RHPN2: variants seen among roughly 807,000 people sequenced by gnomAD.
RHPN2 encodes rhophilin-2.
RHPN2 carries 40 observed loss-of-function variants against 79.0 expected under a neutral mutation model. That is an observed-to-expected ratio of 0.51 (90% CI 0.39 to 0.66). RHPN2 has a LOEUF of 0.66. Among genes scored for constraint, RHPN2 ranks in the 30% least tolerant of loss-of-function variants. RHPN2 has a pLI of 0.00. For synonymous variants in RHPN2, 285 were observed against 363.5 expected, an observed-to-expected ratio of 0.78 and a Z score of 2.46; for missense variants, 686 against 883.5, an observed-to-expected ratio of 0.78 and a Z score of 2.83.
At position 32,996,206 on chromosome 19, in the gene RHPN2, G is replaced by A. The variant is rs201089375; in HGVS notation, c.1240C>T (p.Arg414Cys). The change falls in exon 11 of 15, where the codon CGC becomes TGC. Residue 414 changes from arginine to cysteine, a missense_variant. Transcript: ENST00000254260. Reference sequence around the variant, plus strand: ...TCCTCGTGATGAGCCATGGCTCTGCGCAAGTGGGACTTCCCTGCAGACGGA... The same window carrying A: ...TCCTCGTGATGAGCCATGGCTCTGCACAAGTGGGACTTCCCTGCAGACGGA... ...QRRQLGKSHL[R>C]RAMAHHEESV... is the part of the protein sequence containing the mutation. The A allele has an allele frequency of 1.5e-5, 24 of 1,614,006 alleles. No homozygotes were observed. The highest frequency in any genetic ancestry group is 1.3e-4 in the Admixed American group (8 of 59,990).
At position 32,993,957 on chromosome 19, in the gene RHPN2, G is replaced by A. The variant is rs767828585; in HGVS notation, c.1497+20C>T. On this transcript the variant is annotated intron_variant, in intron 12 of 14. Coordinates refer to ENST00000254260, the MANE Select transcript of RHPN2 (RefSeq NM_033103.5). Reference sequence around the variant, plus strand: ...AGCTGTCCCCTTAGGTCATTTGAATGTAGAGAGCATTCAACATACCAGCTT... The same window carrying A: ...AGCTGTCCCCTTAGGTCATTTGAATATAGAGAGCATTCAACATACCAGCTT... 6.3e-7 allele frequency: 1 copy of A among 1,579,350 alleles called. No individual in the cohort carries two copies.
rs7508609 is a variant in RHPN2, at chr19:33,015,232, C to T, written c.391-2508G>A. 3.6e-3 allele frequency among the ~76,000 whole-genome samples: 542 copies of T among 152,170 alleles called. 1 individual carries two copies. The highest frequency in any genetic ancestry group is 0.012 in the African/African-American group (517 of 41,524). ...TTGAGGCCAAGAGTTCAAGACCAGC[C>T]TGGCCAGCGTGGTGAAACCCTGTCT... is the stretch of plus-strand genomic sequence containing the variant. On this transcript the variant is annotated intron_variant, in intron 4 of 14. Transcript: ENST00000254260.
chr19:33,022,589 C>T (rs1356536769), intron 3 of RHPN2, among the ~76,000 whole-genome samples: 1 of 152,206 alleles, frequency 6.6e-6, no homozygotes, highest in East Asian at 1.9e-4. Flanking sequence ...TCCTCTCCCC[C>T]AGCTGACCAC....
intron 2 of RHPN2, among the ~76,000 whole-genome samples, chr19:33,043,943 G>A (rs1972121393): frequency 6.6e-6 from 1 of 152,110 alleles, no homozygotes; most frequent in Non-Finnish European, 1.5e-5. Context: ...AAATAGACAA[G>A]TCCCAGAGAA....
intron 1 of RHPN2, among the ~76,000 whole-genome samples, chr19:33,048,893 T>C (rs533395296): frequency 6.6e-6 from 1 of 152,260 alleles, no homozygotes; most frequent in Non-Finnish European, 1.5e-5. Flanking sequence ...CAGGGAAGCT[T>C]GAATAACTAA....
chr19:33,041,364 C>T (rs937692933), intron 2 of RHPN2, among the ~76,000 whole-genome samples: 21 of 152,182 alleles, frequency 1.4e-4, no homozygotes, highest in East Asian at 9.6e-4. Flanking sequence ...GGGGCCAGAG[C>T]GGAGCTTGGC....
intron 4 of RHPN2, among the ~76,000 whole-genome samples, chr19:33,014,665 A>T (rs903613873): frequency 1.3e-5 from 2 of 152,114 alleles, no homozygotes; most frequent in African/African-American, 4.8e-5. Flanking sequence ...CACACCTGTA[A>T]TCCCAGTGCT....
At chr19:33,048,461 C>A (rs1409642514) in intron 1 of RHPN2, among the ~76,000 whole-genome samples, 1 of 151,464 alleles carries the variant, frequency 6.6e-6, no homozygotes, top group East Asian at 1.9e-4. Context: ...CATAGTAGTT[C>A]ACGCCTGTAA....
intron 2 of RHPN2, among the ~76,000 whole-genome samples, chr19:33,035,932 C>T (rs11880292): frequency 1.2e-3 from 185 of 151,992 alleles, no homozygotes; most frequent in African/African-American, 4.0e-3. Context: ...CTGGCTAACA[C>T]GGTGAAAACC....
chr19:33,042,997 T>C (rs967362998), intron 2 of RHPN2, among the ~76,000 whole-genome samples: 6 of 151,456 alleles, frequency 4.0e-5, no homozygotes, highest in African/African-American at 1.5e-4. Flanking sequence ...GAGAATCACT[T>C]GAACCTGGGA....
intron 2 of RHPN2, among the ~76,000 whole-genome samples, chr19:33,031,127 T>C (rs1972006913): frequency 6.6e-6 from 1 of 152,176 alleles, no homozygotes; most frequent in Admixed American, 6.5e-5. Flanking sequence ...AGGGCTTCCA[T>C]GCTCACTCCA....
chr19:32,987,074 C>T (rs569893203), intron 14 of RHPN2, among the ~76,000 whole-genome samples: 75 of 151,802 alleles, frequency 4.9e-4, no homozygotes, highest in African/African-American at 1.8e-3. Context: ...GACAAGGTCT[C>T]GCCATGTTGC....
chr19:33,008,249 T>G (rs1456231319), intron 6 of RHPN2, 69 bp from the exon 7 acceptor site: 2 of 1,435,474 alleles, frequency 1.4e-6, no homozygotes, highest in African/African-American at 1.5e-5. Context: ...TGGAAAAAAT[T>G]CTTTTTTTTT....
intron 4 of RHPN2, among the ~76,000 whole-genome samples, chr19:33,013,339 C>T (rs1599818265): frequency 6.6e-6 from 1 of 152,084 alleles, no homozygotes; most frequent in South Asian, 2.1e-4. Context: ...GGATTACAGG[C>T]ATGTGCCACC....
At chr19:33,030,596 A>G (rs1972003454) in intron 2 of RHPN2, among the ~76,000 whole-genome samples, 1 of 152,080 alleles carries the variant, frequency 6.6e-6, no homozygotes, top group Non-Finnish European at 1.5e-5. Flanking sequence ...CCATCACAAA[A>G]AAAAGAAAAA....
chr19:33,044,758 G>T (rs1972128502), intron 1 of RHPN2, among the ~76,000 whole-genome samples: 1 of 152,152 alleles, frequency 6.6e-6, no homozygotes, highest in East Asian at 1.9e-4. Context: ...ACCAGGTGTG[G>T]TGGTGGGCGC....
At chr19:32,995,271 C>G (rs1198117356) in intron 11 of RHPN2, among the ~76,000 whole-genome samples, 1 of 151,776 alleles carries the variant, frequency 6.6e-6, no homozygotes, top group East Asian at 2.0e-4. Context: ...GAGATGGGGT[C>G]TCACTATGTT....
rs562056468 is a variant in RHPN2 at position 33,063,060 on chromosome 19, G to A, written c.69+1724C>T. On this transcript the variant is annotated intron_variant, in intron 1 of 14. Transcript: ENST00000254260. Reference sequence around the variant, plus strand: ...TGGGGAGGAAATGTCCCAGAAAGAGGCAGCAACTTGCGGGAGGCCACACAG... The same window carrying A: ...TGGGGAGGAAATGTCCCAGAAAGAGACAGCAACTTGCGGGAGGCCACACAG... Among the ~76,000 whole-genome samples, 4 of 152,182 alleles carry A rather than the reference G, an allele frequency of 2.6e-5. No homozygotes were observed. The South Asian group carries it at 8.3e-4, about 32-fold the overall frequency.
chr19:32,985,603 C>T (rs931295809), intron 14 of RHPN2, among the ~76,000 whole-genome samples: 4 of 151,978 alleles, frequency 2.6e-5, no homozygotes, highest in African/African-American at 4.8e-5. Flanking sequence ...GCCAGGGCAA[C>T]GAGAGCGAGA....
Sources: allele counts gnomAD v4.1 joint callset (sites outside exome capture counted in the v4.1 genomes callset), GRCh38; gene constraint gnomAD v4.1.1; transcripts MANE v1.5; gene names NCBI Gene and HGNC (gene_info 2026-07-23, HGNC 2026-07-21).